Variants in ARHGEF11 observed in about 807,000 individuals in gnomAD.
The protein encoded by ARHGEF11 is Rho guanine exchange factor (GEF) 11.
ARHGEF11 carries 55 observed loss-of-function variants against 193.7 expected under a neutral mutation model. The ratio of observed to expected loss-of-function variants is 0.28; its 90% CI spans 0.23 to 0.36. The LOEUF (loss-of-function observed/expected upper bound fraction) is 0.36. Among genes scored for constraint, ARHGEF11 ranks in the 10% least tolerant of loss-of-function variants. The pLI is 1.00. For missense variants in ARHGEF11, 1,723 were observed against 2,005.6 expected (o/e 0.86, Z 2.69); for synonymous variants, 693 against 768.0 (o/e 0.90, Z 1.62).
chr1:157,030,461 GC>G lies in ARHGEF11; in HGVS notation c.32+13837del, dbSNP rs376302907. On this transcript the variant is annotated intron_variant, in intron 1 of 40. Coordinates refer to ENST00000368194, the MANE Select transcript of ARHGEF11 (RefSeq NM_198236.3). ...AATGCAAACCTCAGGTCCTAAAGGG[GC>G]CATGGACAAGGAAATTGTATTGGGA... is the stretch of plus-strand genomic sequence containing the variant. Among the ~76,000 whole-genome samples the G allele has an allele frequency of 3.9e-4, 60 of 152,212 alleles. No homozygotes were observed. The South Asian group carries it at 0.012, about 31-fold the overall frequency.
intron 4 of ARHGEF11, 127 bp from the exon 5 acceptor site, chr1:156,979,413 T>C (rs1160688791): frequency 1.2e-5 from 8 of 654,790 alleles, no homozygotes; most frequent in South Asian, 9.5e-5. Context: ...TCACCCAGGC[T>C]GGAGTGCAGT....
intron 21 of ARHGEF11, among the ~76,000 whole-genome samples, chr1:156,952,437 G>A (rs1659252721): frequency 6.6e-6 from 1 of 152,210 alleles, no homozygotes; most frequent in Non-Finnish European, 1.5e-5. Flanking sequence ...AGAGAGATAA[G>A]GAATTCACCT....
upstream of ARHGEF11, among the ~76,000 whole-genome samples, chr1:157,046,713 A>G (rs1673350827): frequency 2.6e-5 from 4 of 152,222 alleles, no homozygotes; most frequent in South Asian, 8.3e-4. Context: ...CACAGTTTCT[A>G]AATCTTTACA....
At chr1:156,962,908 A>AAAAC (rs1661159609) in intron 13 of ARHGEF11, among the ~76,000 whole-genome samples, 2 of 146,036 alleles carry the variant, frequency 1.4e-5, no homozygotes, top group African/African-American at 5.1e-5. Context: ...AAAAAAAAAA[A>AAAAC]CTCTAGGAAG....
chr1:156,979,179 T>G, intron 5 of ARHGEF11, 50 bp downstream of exon 5: 2 of 1,577,746 alleles, frequency 1.3e-6, no homozygotes, highest in Admixed American at 3.3e-5. Flanking sequence ...CTTTCCTCCC[T>G]CTCGGATCAT....
At chr1:156,959,192 A>T (rs1200314905) in intron 15 of ARHGEF11, 50 bp from the exon 16 acceptor site, 3 of 1,512,112 alleles carry the variant, frequency 2.0e-6, no homozygotes, top group Non-Finnish European at 2.7e-6. Context: ...CTGGGGGTGG[A>T]GGGGGATCCC....
intron 33 of ARHGEF11, 25 bp downstream of exon 33, chr1:156,942,665 G>A (rs775043836): frequency 3.7e-6 from 6 of 1,605,828 alleles, no homozygotes; most frequent in South Asian, 3.3e-5. Context: ...CCACAGTTAC[G>A]GGTAACCCCT....
chr1:156,951,757 G>A, intron 21 of ARHGEF11, 58 bp from the exon 22 acceptor site: 2 of 1,607,370 alleles, frequency 1.2e-6, no homozygotes, highest in Non-Finnish European at 1.7e-6. Flanking sequence ...TGGCTTCTCA[G>A]GCTTGGACTT....
intron 21 of ARHGEF11, among the ~76,000 whole-genome samples, chr1:156,952,107 T>A (rs1659202150): frequency 6.6e-6 from 1 of 152,160 alleles, no homozygotes. Flanking sequence ...CCAAAATATA[T>A]CAGACATTTC....
chr1:156,935,930 C>G lies in ARHGEF11; in HGVS notation c.*70G>C. The G allele has an allele frequency of 6.5e-7, 1 of 1,531,666 alleles. No individual in the cohort carries two copies. Among genetic ancestry groups the G allele is most frequent in the Non-Finnish European group, 8.9e-7 (1 of 1,122,924 alleles). The allele number at this position is 1,531,666 out of a possible 1,614,324, so 94.9% of individuals were successfully genotyped here. ...GGAGGAGTGTTGGGATCCCCCCTAC[C>G]CTGTGCCCCGGTCTCAGGCCAGTCC... On this transcript the variant is annotated 3_prime_UTR_variant, in exon 41 of 41. Transcript: ENST00000368194.
At chr1:156,962,064 G>C (rs758317288) in intron 13 of ARHGEF11, among the ~76,000 whole-genome samples, 1 of 152,092 alleles carries the variant, frequency 6.6e-6, no homozygotes, top group Non-Finnish European at 1.5e-5. Context: ...CCTTTCCCAC[G>C]GGCACATCTT....
intron 40 of ARHGEF11, 48 bp downstream of exon 40, chr1:156,936,768 G>A: frequency 1.3e-6 from 2 of 1,577,180 alleles, no homozygotes; most frequent in Non-Finnish European, 1.7e-6. Context: ...CGAGTTGGCA[G>A]ACTTCTCCCC....
rs1660327810 is a variant in ARHGEF11, at chr1:156,958,747, A to G, written c.1497T>C (p.Asp499=). The change falls in exon 17 of 41, where the codon GAT becomes GAC. Residue 499 remains aspartate, a synonymous_variant. Coordinates refer to ENST00000368194, the MANE Select transcript of ARHGEF11 (RefSeq NM_198236.3). ...GAGGAAGCTGAAAGACTCACAAAAT[A>G]TCTCCAAGGGCAGCCAGCTGCTTCT... ...VAEKQLAALG[D]ILSKYEEDRS... 6.2e-7 allele frequency: 1 copy of G among 1,614,128 alleles called. No individual in the cohort carries two copies. Among genetic ancestry groups the G allele is most frequent in the African/African-American group, 1.3e-5 (1 of 75,030 alleles).
Position 156,951,689 on chromosome 1 carries a change from G to A in ARHGEF11, c.1809C>T (p.Gly603=), listed in dbSNP as rs1372012648. The A allele has an allele frequency of 6.2e-7, 1 of 1,614,008 alleles. No individual in the cohort carries two copies. The highest frequency in any genetic ancestry group is 8.5e-7 in the Non-Finnish European group (1 of 1,180,006). Residue 603 remains glycine (G), a synonymous_variant, in exon 22 of 41, where the codon GGC becomes GGT. Coordinates refer to ENST00000368194, the MANE Select transcript of ARHGEF11 (RefSeq NM_198236.3). ...AGTGCTGAATGATGTTCCTCACATTGCCTGGTTTGACTAGAAGCAAAAAGA... is the reference window on the plus strand; with the variant it reads ...AGTGCTGAATGATGTTCCTCACATTACCTGGTTTGACTAGAAGCAAAAAGA... ...IPLSPVEVKP[G]NVRNIIQHFE...
chr1:156,994,794 T>A (rs1666250341), intron 1 of ARHGEF11, among the ~76,000 whole-genome samples: 1 of 152,148 alleles, frequency 6.6e-6, no homozygotes, highest in Non-Finnish European at 1.5e-5. Context: ...CTTAGGCAAG[T>A]CATCCAACCT....
chr1:156,999,936 T>C (rs752793695), intron 1 of ARHGEF11, among the ~76,000 whole-genome samples: 1 of 152,246 alleles, frequency 6.6e-6, no homozygotes, highest in African/African-American at 2.4e-5. Context: ...ATTAAATTAC[T>C]TGTCATCCTA....
At chr1:156,941,707 C>G (rs778053791) in intron 34 of ARHGEF11, among the ~76,000 whole-genome samples, 157 bp downstream of exon 34, 1 of 152,234 alleles carries the variant, frequency 6.6e-6, no homozygotes, top group Non-Finnish European at 1.5e-5. Context: ...GGACAGGGGG[C>G]ATGTTCCTCC....
At chr1:156,984,731 G>A (rs1412655175) in intron 2 of ARHGEF11, among the ~76,000 whole-genome samples, 4 of 152,122 alleles carry the variant, frequency 2.6e-5, no homozygotes, top group African/African-American at 9.7e-5. Context: ...GCCCGGGTGA[G>A]ACTGGTCAAA....
Position 156,971,762 on chromosome 1 carries a change from C to G in ARHGEF11, c.637G>C (p.Glu213Gln). ...TGAGTGACTCGCCGCCGGGCACCTT[C>G]GATCTGCTCTTCCAGTAGGCTGGCG... ...NPASLLEEQI[E>Q]GARRRVTQLQ... is the part of the protein sequence containing the mutation. The change falls in exon 8 of 41, where the codon GAA (glutamate) becomes CAA (glutamine). Residue 213 changes from glutamate (E) to glutamine (Q), a missense_variant. By Grantham distance (29) the Glu-to-Gln change is conservative (BLOSUM62 2). Coordinates refer to ENST00000368194, the MANE Select transcript of ARHGEF11 (RefSeq NM_198236.3). 2.5e-6 allele frequency: 4 copies of G among 1,613,900 alleles called. No individual in the cohort carries two copies. Among genetic ancestry groups the G allele is most frequent in the Non-Finnish European group, 3.4e-6 (4 of 1,179,996 alleles).
Sources: allele counts gnomAD v4.1 joint callset (sites outside exome capture counted in the v4.1 genomes callset), GRCh38; gene constraint gnomAD v4.1.1; transcripts MANE v1.5; gene names NCBI Gene and HGNC (gene_info 2026-07-23, HGNC 2026-07-21).